NPAT: variants seen among roughly 807,000 people sequenced by gnomAD.
NPAT encodes the protein nuclear protein, coactivator of histone transcription, also known as protein NPAT.
NPAT carries 52 observed loss-of-function variants against 130.7 expected under a neutral mutation model. The ratio of observed to expected loss-of-function variants is 0.40; its 90% confidence interval spans 0.32 to 0.50. The LOEUF (loss-of-function observed/expected upper bound fraction) is 0.50, where lower values mean the gene tolerates loss of function less well. Ranked by LOEUF, NPAT falls within the 20% of genes least tolerant of loss-of-function variation. The probability of loss-of-function intolerance (pLI) is 0.68; values close to 1 mark genes in which losing one functional copy is unlikely to be tolerated. For missense variants in NPAT, 1,687 were observed against 1,662.6 expected (o/e 1.01, Z -0.26); for synonymous variants, 580 against 584.8 (o/e 0.99, Z 0.12).
intron 15 of NPAT, among the ~76,000 whole-genome samples, chr11:108,166,533 G>A (rs1234824027): frequency 6.6e-6 from 1 of 152,080 alleles, no homozygotes; most frequent in African/African-American, 2.4e-5. Context: ...ATGAGGAAGG[G>A]ATCTACTTTC....
intron 1 of NPAT, among the ~76,000 whole-genome samples, chr11:108,213,814 G>A (rs1024867502): frequency 6.6e-6 from 1 of 152,102 alleles, no homozygotes; most frequent in African/African-American, 2.4e-5. Context: ...AGAAATTAGT[G>A]GAACAAAATA....
rs536293310 is a variant in NPAT, at chr11:108,174,127, A to C, written c.1133-276T>G. On this transcript the variant is annotated intron_variant, in intron 12 of 17. Transcript: ENST00000278612. ...AAAAAGTAAAGAGGTTTAATATTTC[A>C]ATAGGTAAAAAACATACTGGCTCCA... 2.0e-5 allele frequency among the ~76,000 whole-genome samples: 3 copies of C among 152,340 alleles called. No homozygotes were observed. The East Asian group carries it at 5.8e-4, about 29-fold the overall frequency.
intron 10 of NPAT, among the ~76,000 whole-genome samples, chr11:108,181,722 G>A (rs887459058): frequency 1.3e-5 from 2 of 151,150 alleles, no homozygotes; most frequent in African/African-American, 4.9e-5. Flanking sequence ...AAGGAGGCCT[G>A]CATCGAGGTC....
At chr11:108,220,363 C>T (rs2078471563) in intron 1 of NPAT, among the ~76,000 whole-genome samples, 1 of 152,268 alleles carries the variant, frequency 6.6e-6, no homozygotes, top group South Asian at 2.1e-4. Context: ...GAACATAAGA[C>T]AGAATGTTCT....
chr11:108,189,596 C>T (rs149239149), intron 5 of NPAT, among the ~76,000 whole-genome samples: 3,156 of 152,126 alleles, frequency 0.021, 108 homozygotes, highest in African/African-American at 0.072. Context: ...CTTGGCCGGG[C>T]GCGGTGGCTC....
chr11:108,219,295 C>T (rs1424946169), intron 1 of NPAT, among the ~76,000 whole-genome samples: 1 of 152,160 alleles, frequency 6.6e-6, no homozygotes, highest in Non-Finnish European at 1.5e-5. Flanking sequence ...CCACGTTCCG[C>T]AGTCAAACCA....
intron 11 of NPAT, 28 bp downstream of exon 11, chr11:108,176,966 T>C (rs1565313360): frequency 2.8e-6 from 4 of 1,439,190 alleles, no homozygotes; most frequent in Middle Eastern, 1.7e-4. Context: ...GCCTTTTTTT[T>C]CTGTCTTGAA....
At chr11:108,205,506 G>A (rs557744588) in intron 1 of NPAT, among the ~76,000 whole-genome samples, 15 of 152,176 alleles carry the variant, frequency 9.9e-5, no homozygotes, top group Admixed American at 2.6e-4. Context: ...AGCCTCAAGC[G>A]ATCCTCCCAC....
Position 108,172,888 on chromosome 11 carries a change from T to C in NPAT, c.2096A>G (p.His699Arg). 1 of 1,613,894 alleles carries C rather than the reference T, an allele frequency of 6.2e-7. No individual in the cohort carries two copies. The highest frequency in any genetic ancestry group is 8.5e-7 in the Non-Finnish European group (1 of 1,179,964). The change falls in exon 13 of 18, where the codon CAC becomes CGC. Residue 699 changes from histidine to arginine, a missense_variant. Physicochemically the swap from His to Arg is conservative, Grantham distance 29. This residue lies in a region of NPAT where 1,379 missense variants were observed against 1,346.6 expected (regional missense o/e 1.02). Coordinates refer to ENST00000278612, the MANE Select transcript of NPAT (RefSeq NM_002519.3). Reference sequence around the variant, plus strand: ...ACACACAGATTCTGGAGGAAGAGAGTGACTGTTTTCTACAGGAGTGCCTTC... The same window carrying C: ...ACACACAGATTCTGGAGGAAGAGAGCGACTGTTTTCTACAGGAGTGCCTTC... ...PPEGTPVENS[H>R]SLPPESVCSS... is the part of the protein sequence containing the mutation.
intron 3 of NPAT, among the ~76,000 whole-genome samples, chr11:108,193,052 G>C (rs1280065696): frequency 6.6e-6 from 1 of 152,118 alleles, no homozygotes; most frequent in African/African-American, 2.4e-5. Flanking sequence ...AAAATGTCAA[G>C]CTTCTTTTCC....
In NPAT at chr11:108,173,413, A is replaced by C; in HGVS notation, c.1571T>G (p.Leu524Ter). The C allele has an allele frequency of 6.2e-7, 1 of 1,614,178 alleles. No homozygotes were observed. Among genetic ancestry groups the C allele is most frequent in the Non-Finnish European group, 8.5e-7 (1 of 1,180,006 alleles). ...TTGAGAACTCTTCCCAGAGAGAATT[A>C]AGTTTTCATTGTTAGCTTCACAACC... Reference protein sequence around the residue: ...SLGCEANNENLILSGKSSQLL... With the variant: ...SLGCEANNEN Residue 524 changes from leucine (L) to a stop codon, truncating the protein, a stop_gained, in exon 13 of 18, where the codon TTA becomes TGA. Coordinates refer to ENST00000278612, the MANE Select transcript of NPAT (RefSeq NM_002519.3). LOFTEE classifies it high-confidence loss of function.
chr11:108,166,064 TG>T (rs2077900256), intron 15 of NPAT, among the ~76,000 whole-genome samples: 1 of 151,680 alleles, frequency 6.6e-6, no homozygotes. Context: ...ATTATAGGAG[TG>T]GAGCCATTGT....
chr11:108,197,269 T>C (rs775250004), intron 2 of NPAT, 33 bp downstream of exon 2: 1 of 1,340,402 alleles, frequency 7.5e-7, no homozygotes, highest in Non-Finnish European at 1.1e-6. Context: ...CTTGTGTTGA[T>C]GAAATATTTC....
At chr11:108,164,837 C>T (rs2134824584) in intron 15 of NPAT, among the ~76,000 whole-genome samples, 1 of 152,152 alleles carries the variant, frequency 6.6e-6, no homozygotes, top group Middle Eastern at 3.4e-3. Flanking sequence ...CACGGAGAAC[C>T]CCGTCTCTAC....
Position 108,188,195 on chromosome 11 carries a change from A to C in NPAT, c.557-16T>G. ...GCTTCTCCAGCTGTATTTCAAGAAA[A>C]CATAACAGTAAGCCAAAGAAACTGA... On this transcript the variant is annotated splice_polypyrimidine_tract_variant and intron_variant, in intron 6 of 17. Transcript: ENST00000278612. 6.3e-7 allele frequency: 1 copy of C among 1,596,940 alleles called. No homozygotes were observed. The highest frequency in any genetic ancestry group is 8.6e-7 in the Non-Finnish European group (1 of 1,164,518).
At chr11:108,207,732 G>A (rs1237637800) in intron 1 of NPAT, among the ~76,000 whole-genome samples, 2 of 152,192 alleles carry the variant, frequency 1.3e-5, no homozygotes, top group Non-Finnish European at 2.9e-5. Flanking sequence ...GGGCTTCCCT[G>A]GCCCCCGAGA....
intron 13 of NPAT, 106 bp from the exon 14 acceptor site, chr11:108,170,149 G>T: frequency 4.5e-5 from 28 of 617,296 alleles, no homozygotes; most frequent in Non-Finnish European, 5.3e-5. Flanking sequence ...TAAATTCTAT[G>T]AACAATCCCT....
intron 1 of NPAT, among the ~76,000 whole-genome samples, chr11:108,215,800 C>A (rs898473441): frequency 2.0e-5 from 3 of 152,162 alleles, no homozygotes; most frequent in Non-Finnish European, 2.9e-5. Flanking sequence ...TAAGAAGAAA[C>A]AAACAAATAT....
chr11:108,185,054 A>T (rs2078093046), intron 10 of NPAT, among the ~76,000 whole-genome samples, 178 bp downstream of exon 10: 1 of 152,258 alleles, frequency 6.6e-6, no homozygotes, highest in East Asian at 1.9e-4. Context: ...TTTCAGGAAC[A>T]GACTGCATTC....
Sources: gnomAD v4.1 joint callset for allele counts (sites outside exome capture counted in the v4.1 genomes callset) on GRCh38, gnomAD v4.1.1 for gene constraint, gnomAD v4.1.1 regional missense constraint, MANE v1.5 for transcripts, NCBI Gene and HGNC (gene_info 2026-07-23, HGNC 2026-07-21) for gene names.